HERC3: variants seen among roughly 807,000 people sequenced by gnomAD.
The protein encoded by HERC3 is HECT and RLD domain containing E3 ubiquitin protein ligase 3.
HERC3 carries 58 observed loss-of-function variants against 129.9 expected under a neutral mutation model. The ratio of observed to expected loss-of-function variants is 0.45; its 90% confidence interval spans 0.36 to 0.56. The LOEUF (loss-of-function observed/expected upper bound fraction) is 0.56. Ranked by LOEUF, HERC3 falls within the 20% of genes least tolerant of loss-of-function variation. The pLI, the probability that HERC3 is intolerant of heterozygous loss-of-function variation, is 0.00. For synonymous variants in HERC3, 430 were observed against 451.0 expected (o/e 0.95, Z 0.59); for missense variants, 835 against 1,244.2 (o/e 0.67, Z 4.95).
chr4:88,654,173 T>G (rs2860427), intron 7 of HERC3, 40 bp downstream of exon 7: 3 of 1,362,606 alleles, frequency 2.2e-6, no homozygotes, highest in Non-Finnish European at 3.1e-6. Flanking sequence ...GCTGGGGATA[T>G]GATGGGTGAT....
chr4:88,693,428 T>C, intron 23 of HERC3: 1 of 971,764 alleles, frequency 1.0e-6, no homozygotes, highest in Non-Finnish European at 1.2e-6. Context: ...AAACATGGTG[T>C]GTATTCTTTA....
chr4:88,675,802 G>A (rs1017674268), intron 16 of HERC3, among the ~76,000 whole-genome samples: 1 of 151,246 alleles, frequency 6.6e-6, no homozygotes, highest in African/African-American at 2.4e-5. Context: ...CAGCCTGTGT[G>A]TATGTGTGTG....
At chr4:88,646,042 G>A (rs1250416174) in intron 3 of HERC3, among the ~76,000 whole-genome samples, 1 of 152,152 alleles carries the variant, frequency 6.6e-6, no homozygotes, top group Non-Finnish European at 1.5e-5. Flanking sequence ...AGACAATATA[G>A]CTTAGTTAAG....
chr4:88,697,668 T>G (rs746420555), intron 23 of HERC3: 2 of 1,612,992 alleles, frequency 1.2e-6, no homozygotes, highest in African/African-American at 1.3e-5. Context: ...GCGCACCGCC[T>G]TCCGCCATTA....
the HERC3 span, among the ~76,000 whole-genome samples, chr4:88,553,242 G>A: frequency 6.6e-6 from 1 of 152,138 alleles, no homozygotes; most frequent in Admixed American, 6.5e-5. Context: ...AGCAGAGTTT[G>A]GGAGGAAAGA....
chr4:88,676,651 A>T (rs1480910205), intron 18 of HERC3, among the ~76,000 whole-genome samples: 2 of 152,240 alleles, frequency 1.3e-5, no homozygotes, highest in Non-Finnish European at 2.9e-5. Flanking sequence ...TAAATGTTTT[A>T]AGCTTTGGGA....
intron 3 of HERC3, among the ~76,000 whole-genome samples, chr4:88,619,284 T>C (rs1288287786): frequency 6.6e-6 from 1 of 152,262 alleles, no homozygotes; most frequent in Non-Finnish European, 1.5e-5. Context: ...ACACTTTGAC[T>C]TATTTTTAGT....
chr4:88,536,418 A>G, the HERC3 span, among the ~76,000 whole-genome samples: 1 of 152,024 alleles, frequency 6.6e-6, no homozygotes. Flanking sequence ...TTGACCATCA[A>G]TCCCTTGTAT....
chr4:88,578,774 A>C, the HERC3 span, among the ~76,000 whole-genome samples: 2 of 152,264 alleles, frequency 1.3e-5, no homozygotes, highest in South Asian at 4.1e-4. Flanking sequence ...AAATATCATC[A>C]GTTTTATAGA....
chr4:88,560,766 G>T, the HERC3 span, among the ~76,000 whole-genome samples: 2 of 151,982 alleles, frequency 1.3e-5, no homozygotes, highest in Non-Finnish European at 2.9e-5. Context: ...TTTGTGTATG[G>T]TGTAAGATAA....
At chr4:88,626,663 T>G (rs1260545962) in intron 3 of HERC3, among the ~76,000 whole-genome samples, 1 of 152,146 alleles carries the variant, frequency 6.6e-6, no homozygotes. Flanking sequence ...AGTTCATGTC[T>G]TTTGAGGAAT....
intron 16 of HERC3, among the ~76,000 whole-genome samples, chr4:88,674,027 C>T (rs181778929): frequency 8.8e-4 from 134 of 152,234 alleles, no homozygotes; most frequent in Admixed American, 3.1e-3. Context: ...TGGATTTCTT[C>T]CCAGCCATCC....
At chr4:88,681,100 T>C (rs896793568) in intron 20 of HERC3, 59 bp from the exon 21 acceptor site, 2 of 1,499,194 alleles carry the variant, frequency 1.3e-6, no homozygotes, top group African/African-American at 2.8e-5. Context: ...AATGGTAGAA[T>C]GTTTGAAGGC....
At chr4:88,612,042 C>T (rs1442034269) in intron 3 of HERC3, among the ~76,000 whole-genome samples, 1 of 152,156 alleles carries the variant, frequency 6.6e-6, no homozygotes, top group African/African-American at 2.4e-5. Flanking sequence ...CCATGTTATA[C>T]ACTCTGTCTC....
At chr4:88,686,900 G>C (rs1733538705) in intron 22 of HERC3, 98 bp downstream of exon 22, 1 of 937,350 alleles carries the variant, frequency 1.1e-6, no homozygotes, top group African/African-American at 1.7e-5. Flanking sequence ...ATAGAAAAAA[G>C]TCAGAGACTT....
the HERC3 span, among the ~76,000 whole-genome samples, chr4:88,550,977 G>T: frequency 3.4e-5 from 5 of 149,144 alleles, no homozygotes; most frequent in African/African-American, 4.9e-5. Context: ...CAGAAATAAT[G>T]CCGCATATCT....
the HERC3 span, among the ~76,000 whole-genome samples, chr4:88,530,649 GCCATC>G: frequency 2.0e-5 from 3 of 152,110 alleles, no homozygotes; most frequent in Non-Finnish European, 4.4e-5. Flanking sequence ...AGTATGATGA[GCCATC>G]AATACTATAC....
the HERC3 span, among the ~76,000 whole-genome samples, chr4:88,564,825 T>G: frequency 1.3e-5 from 2 of 152,138 alleles, no homozygotes; most frequent in African/African-American, 4.8e-5. Flanking sequence ...GGTTGTTTAT[T>G]TGAAGTTTTT....
intron 21 of HERC3, chr4:88,684,723 T>G (rs1284377911): frequency 6.6e-6 from 1 of 152,146 alleles, no homozygotes; most frequent in Non-Finnish European, 1.5e-5. Flanking sequence ...AATCTATCCA[T>G]CTGACAAAGG....
Sources: gnomAD v4.1 joint callset for allele counts (sites outside exome capture counted in the v4.1 genomes callset) on GRCh38, gnomAD v4.1.1 for gene constraint, MANE v1.5 for transcripts, NCBI Gene and HGNC (gene_info 2026-07-23, HGNC 2026-07-21) for gene names.